The following SDC2 variants were observed in gnomAD, a reference collection of about 807,000 sequenced individuals.
SDC2 encodes syndecan-2.
In SDC2, 13 loss-of-function variants were observed where a neutral mutation model predicts 22.2. That is an observed-to-expected ratio of 0.59 (90% confidence interval 0.38 to 0.93). The LOEUF (loss-of-function observed/expected upper bound fraction) is 0.93, where lower values mean the gene tolerates loss of function less well. Among genes scored for constraint, SDC2 ranks in the 40% least tolerant of loss-of-function variants. SDC2 has a pLI of 0.00. For missense variants in SDC2, 235 were observed against 246.8 expected, an observed-to-expected ratio of 0.95 and a Z score of 0.32; for synonymous variants, 94 against 92.8, an observed-to-expected ratio of 1.01 and a Z score of -0.07.
At chr8:96,576,630 G>A (rs372160100) in intron 1 of SDC2, among the ~76,000 whole-genome samples, 14 of 147,154 alleles carry the variant, frequency 9.5e-5, no homozygotes, top group East Asian at 3.9e-4. Context: ...CGTTTTAGCC[G>A]GGATGGTCTC....
intron 1 of SDC2, among the ~76,000 whole-genome samples, chr8:96,576,638 C>A (rs1814508720): frequency 6.7e-6 from 1 of 148,698 alleles, no homozygotes; most frequent in South Asian, 2.2e-4. Context: ...CCGGGATGGT[C>A]TCGATCTCCT....
At chr8:96,534,139 C>T (rs1813713345) in intron 1 of SDC2, among the ~76,000 whole-genome samples, 1 of 152,220 alleles carries the variant, frequency 6.6e-6, no homozygotes, top group Non-Finnish European at 1.5e-5. Flanking sequence ...ACCTGGAACT[C>T]ACTCTGACCT....
chr8:96,519,211 C>T (rs1813456259), intron 1 of SDC2, among the ~76,000 whole-genome samples: 1 of 152,136 alleles, frequency 6.6e-6, no homozygotes, highest in Non-Finnish European at 1.5e-5. Context: ...GCCCAGAGTG[C>T]AGTGCTTCCT....
At position 96,494,260 on chromosome 8, in the gene SDC2, T is replaced by C. The variant is rs570294815; in HGVS notation, c.-12T>C. ...GCAAGCAGCGGCTGGGAGCAGCCGG[T>C]CCCTGGGGAATATGCGGCGCGCGTG... is the stretch of plus-strand genomic sequence containing the variant. On this transcript the variant is annotated 5_prime_UTR_variant, in exon 1 of 5. Transcript: ENST00000302190. 1 of 1,543,960 alleles carries C rather than the reference T, an allele frequency of 6.5e-7. No homozygotes were observed. Among genetic ancestry groups the C allele is most frequent in the African/African-American group, 1.4e-5 (1 of 73,232 alleles).
chr8:96,593,580 C>G lies in SDC2; in HGVS notation c.161C>G (p.Ala54Gly). 6.2e-7 allele frequency: 1 copy of G among 1,610,058 alleles called. No homozygotes were observed. Among genetic ancestry groups the G allele is most frequent in the Non-Finnish European group, 8.5e-7 (1 of 1,176,454 alleles). Residue 54 changes from alanine to glycine, a missense_variant, in exon 2 of 5, where the codon GCG becomes GGG. Ala to Gly is a moderately conservative substitution (Grantham distance 60). Coordinates refer to ENST00000302190, the MANE Select transcript of SDC2 (RefSeq NM_002998.4). ...YPIDDDDYAS[A>G]SGSGADEDVE... ...ATTGATGACGATGACTACGCTTCTG[C>G]GTCTGGCTCGGGTAAGGTGGCTGCT...
At chr8:96,547,719 TATGGA>T (rs1175004034) in intron 1 of SDC2, among the ~76,000 whole-genome samples, 2 of 151,908 alleles carry the variant, frequency 1.3e-5, no homozygotes, top group Admixed American at 6.6e-5. Context: ...GTTGACTTGG[TATGGA>T]TCCTTGTTTG....
intron 1 of SDC2, among the ~76,000 whole-genome samples, chr8:96,531,597 GA>G (rs1813662652): frequency 6.6e-6 from 1 of 152,104 alleles, no homozygotes; most frequent in South Asian, 2.1e-4. Context: ...ATAAAAGAGA[GA>G]AAAGTAAGAT....
At chr8:96,584,153 T>C (rs1315906941) in intron 1 of SDC2, among the ~76,000 whole-genome samples, 1 of 152,234 alleles carries the variant, frequency 6.6e-6, no homozygotes, top group East Asian at 1.9e-4. Flanking sequence ...ATATTCCTAT[T>C]GACATTCAGA....
At chr8:96,579,276 T>C (rs1814553897) in intron 1 of SDC2, among the ~76,000 whole-genome samples, 1 of 152,258 alleles carries the variant, frequency 6.6e-6, no homozygotes, top group South Asian at 2.1e-4. Flanking sequence ...TCCTTTAATG[T>C]CTAATCTGGA....
At chr8:96,523,366 T>C (rs190820013) in intron 1 of SDC2, among the ~76,000 whole-genome samples, 1 of 152,346 alleles carries the variant, frequency 6.6e-6, no homozygotes, top group East Asian at 1.9e-4. Context: ...GTGGTGAATA[T>C]ATATGAATAT....
chr8:96,580,975 A>G (rs898466920), intron 1 of SDC2, among the ~76,000 whole-genome samples: 3 of 152,148 alleles, frequency 2.0e-5, no homozygotes, highest in Non-Finnish European at 4.4e-5. Flanking sequence ...AACTAGTAGA[A>G]TCAGCTTTTT....
intron 1 of SDC2, among the ~76,000 whole-genome samples, chr8:96,547,318 C>T (rs1813949883): frequency 6.6e-6 from 1 of 152,212 alleles, no homozygotes; most frequent in Non-Finnish European, 1.5e-5. Flanking sequence ...TTAGCTTACA[C>T]TATAAAAGAG....
Position 96,584,557 on chromosome 8 carries a change from G to A in SDC2, c.61-8923G>A, listed in dbSNP as rs148921428. On this transcript the variant is annotated intron_variant, in intron 1 of 4. Coordinates refer to ENST00000302190, the MANE Select transcript of SDC2 (RefSeq NM_002998.4). ...TTCCCCCTTTCTCCTGCCAAACTCC[G>A]CCAGGAAACAGAATCTCATTACTTC... Among the ~76,000 whole-genome samples, 283 of 152,120 alleles carry A rather than the reference G, an allele frequency of 1.9e-3. 1 individual carries two copies. Among genetic ancestry groups the A allele is most frequent in the African/African-American group, 6.3e-3 (263 of 41,500 alleles).
At chr8:96,508,059 G>T (rs1043423742) in intron 1 of SDC2, among the ~76,000 whole-genome samples, 2 of 152,116 alleles carry the variant, frequency 1.3e-5, no homozygotes, top group Non-Finnish European at 2.9e-5. Context: ...CACTTTGGGA[G>T]GCCGAGGCGG....
chr8:96,503,892 G>A (rs1394244610), intron 1 of SDC2, among the ~76,000 whole-genome samples: 3 of 152,206 alleles, frequency 2.0e-5, no homozygotes, highest in East Asian at 1.9e-4. Context: ...CAGACAAGAA[G>A]AGCAGAAAAA....
rs544690037 is a variant in SDC2, at chr8:96,601,581, C to T, written c.173-814C>T. 3.7e-4 allele frequency among the ~76,000 whole-genome samples: 51 copies of T among 138,882 alleles called. 2 individuals carry two copies. In the South Asian group the frequency reaches 0.012, roughly 31 times the overall value. The allele number at this position is 138,882 out of a possible 152,430, so 91.1% of individuals were successfully genotyped here. ...ACTTCAACCTGGAAGGCAGAGGTTGCAGTGAGCCCAGATTGTGCCATTGCA... is the reference window on the plus strand; with the variant it reads ...ACTTCAACCTGGAAGGCAGAGGTTGTAGTGAGCCCAGATTGTGCCATTGCA... On this transcript the variant is annotated intron_variant, in intron 2 of 4. Transcript: ENST00000302190.
At chr8:96,506,939 G>A (rs1813249844) in intron 1 of SDC2, among the ~76,000 whole-genome samples, 1 of 151,288 alleles carries the variant, frequency 6.6e-6, no homozygotes, top group East Asian at 1.9e-4. Context: ...AACCCGAGAG[G>A]TGGAGATTGC....
At chr8:96,535,775 A>G (rs1372468696) in intron 1 of SDC2, among the ~76,000 whole-genome samples, 4 of 152,232 alleles carry the variant, frequency 2.6e-5, no homozygotes, top group African/African-American at 7.2e-5. Context: ...ATTGTCTTCC[A>G]TACCTAATTC....
At chr8:96,586,720 A>C (rs558165408) in intron 1 of SDC2, among the ~76,000 whole-genome samples, 2 of 152,222 alleles carry the variant, frequency 1.3e-5, no homozygotes, top group East Asian at 3.9e-4. Context: ...TTTCCACCCA[A>C]ATGTGATTCT....
Sources: allele counts gnomAD v4.1 joint callset (sites outside exome capture counted in the v4.1 genomes callset), GRCh38; gene constraint gnomAD v4.1.1; transcripts MANE v1.5; gene names NCBI Gene and HGNC (gene_info 2026-07-23, HGNC 2026-07-21).